Variants in GATB observed in about 807,000 individuals in gnomAD.
GATB encodes glutamyl-tRNA(Gln) amidotransferase subunit B, mitochondrial.
GATB carries 39 observed loss-of-function variants against 62.3 expected under a neutral mutation model. That is an observed-to-expected ratio of 0.63 (90% CI 0.48 to 0.82). The LOEUF (loss-of-function observed/expected upper bound fraction) is 0.82. Ranked by LOEUF, GATB falls within the 40% of genes least tolerant of loss-of-function variation. GATB has a pLI of 0.00. For missense variants in GATB, 670 were observed against 684.0 expected (o/e 0.98, Z 0.23); for synonymous variants, 276 against 258.9 (o/e 1.07, Z -0.63).
At chr4:151,696,701 A>C (rs1738476592) in intron 9 of GATB, among the ~76,000 whole-genome samples, 2 of 152,380 alleles carry the variant, frequency 1.3e-5, no homozygotes, top group South Asian at 4.1e-4. Context: ...GCATGCTAGA[A>C]GCAGGCAGCC....
intron 2 of GATB, among the ~76,000 whole-genome samples, chr4:151,742,323 C>T (rs1000571468): frequency 1.3e-5 from 2 of 151,860 alleles, no homozygotes; most frequent in South Asian, 2.1e-4. Context: ...CTCCTGACCT[C>T]GTGATCCGCC....
At chr4:151,720,334 T>C (rs1203386550) in intron 2 of GATB, 1 of 152,180 alleles carries the variant, frequency 6.6e-6, no homozygotes, top group Non-Finnish European at 1.5e-5. Context: ...CGAGTCAGGT[T>C]CAAATCCCAC....
chr4:151,679,601 G>A (rs1738093933), intron 11 of GATB, among the ~76,000 whole-genome samples: 1 of 152,222 alleles, frequency 6.6e-6, no homozygotes, highest in Non-Finnish European at 1.5e-5. Context: ...CCCCAGGTTA[G>A]CGGTGATGAC....
chr4:151,703,730 C>A, intron 8 of GATB, 121 bp downstream of exon 8: 1 of 765,392 alleles, frequency 1.3e-6, no homozygotes, highest in Non-Finnish European at 2.4e-6. Flanking sequence ...CATCATGTTA[C>A]AACAATGACA....
intron 3 of GATB, among the ~76,000 whole-genome samples, chr4:151,719,221 A>G (rs1738977209): frequency 1.3e-5 from 2 of 152,230 alleles, no homozygotes; most frequent in Admixed American, 1.3e-4. Context: ...GCAAGAAGTC[A>G]GCAATCAGGA....
chr4:151,697,752 T>A (rs1738499015), intron 9 of GATB, among the ~76,000 whole-genome samples: 1 of 148,630 alleles, frequency 6.7e-6, no homozygotes, highest in Non-Finnish European at 1.5e-5. Context: ...TACATACACA[T>A]GCACAAAATC....
intron 7 of GATB, 30 bp downstream of exon 7, chr4:151,705,155 T>C (rs1560850726): frequency 3.3e-6 from 5 of 1,530,830 alleles, no homozygotes; most frequent in Non-Finnish European, 4.5e-6. Context: ...CCCCCGGCTG[T>C]GGTCAGGACG....
intron 1 of GATB, 83 bp downstream of exon 1, chr4:151,760,724 G>A: frequency 7.6e-7 from 1 of 1,317,730 alleles, no homozygotes; most frequent in South Asian, 1.7e-5. Flanking sequence ...ACGTCTAGAA[G>A]CTGGGCCGTA....
At chr4:151,744,584 T>TA (rs1012470493) in intron 2 of GATB, among the ~76,000 whole-genome samples, 1 of 151,712 alleles carries the variant, frequency 6.6e-6, no homozygotes, top group Non-Finnish European at 1.5e-5. Flanking sequence ...GCCCTGTCTC[T>TA]AAAAAAAATA....
In GATB at chr4:151,735,754, A is replaced by ATG. The variant is rs2126989547; in HGVS notation, c.328-16217_328-16216insCA. On this transcript the variant is annotated intron_variant, in intron 2 of 12. Coordinates refer to ENST00000263985, the MANE Select transcript of GATB (RefSeq NM_004564.3). ...CTGTGGTGTATATATATATATATAT[A>ATG]TATGATGGAATACTACTCAGCCATA... Among the ~76,000 whole-genome samples, 2 of 142,150 alleles carry ATG rather than the reference A, an allele frequency of 1.4e-5. 1 individual carries two copies. The highest frequency in any genetic ancestry group is 4.9e-4 in the South Asian group (2 of 4,046). 93.3% of individuals were successfully genotyped at this position (142,150 alleles called of 152,430 possible).
intron 3 of GATB, among the ~76,000 whole-genome samples, chr4:151,718,332 G>GA (rs959064636): frequency 2.6e-5 from 4 of 152,028 alleles, no homozygotes; most frequent in East Asian, 1.9e-4. Context: ...CTGAATTTCA[G>GA]AAAAAACAAC....
intron 9 of GATB, among the ~76,000 whole-genome samples, chr4:151,690,202 TAC>T (rs980198994): frequency 3.9e-5 from 6 of 152,218 alleles, no homozygotes; most frequent in African/African-American, 1.4e-4. Context: ...GCTGCTGGAA[TAC>T]ACACACAGGC....
intron 12 of GATB, 72 bp from the exon 13 acceptor site, chr4:151,671,374 G>T (rs755540759): frequency 2.8e-6 from 4 of 1,450,402 alleles, no homozygotes; most frequent in Non-Finnish European, 3.8e-6. Flanking sequence ...CCAAACTAAG[G>T]CTTAAGTTTA....
rs577611870 is a variant in GATB at position 151,672,696 on chromosome 4, G to A, written c.1545+66C>T. The A allele has an allele frequency of 3.3e-5, 51 of 1,544,084 alleles. No individual in the cohort carries two copies. In the East Asian group the frequency reaches 5.0e-4, roughly 15 times the overall value. ...GAGCCTCTGGGCTGCCACAGGGAGC[G>A]ATGGCGAGGCTCTTGGGCATGTCCT... On this transcript the variant is annotated intron_variant, in intron 12 of 12. Coordinates refer to ENST00000263985, the MANE Select transcript of GATB (RefSeq NM_004564.3).
rs1491213513 is a variant in GATB at position 151,735,734 on chromosome 4, G to GTATA, written c.328-16197_328-16196insTATA. ...TCAACAAGTGGATAAATAAACTGTG[G>GTATA]TGTATATATATATATATATATATGA... On this transcript the variant is annotated intron_variant, in intron 2 of 12. Transcript: ENST00000263985. Among the ~76,000 whole-genome samples, 74 of 93,606 alleles carry GTATA rather than the reference G, an allele frequency of 7.9e-4. 13 individuals are homozygous for GTATA. Among genetic ancestry groups the GTATA allele is most frequent in the Middle Eastern group, 5.3e-3 (1 of 188 alleles). The allele number at this position is 93,606 out of a possible 152,430, so 61.4% of individuals were successfully genotyped here. A position where few individuals can be genotyped will look rare whatever the true frequency, so the allele number is the denominator to read the frequency against.
chr4:151,733,403 TC>T lies in GATB; in HGVS notation c.328-13866del, dbSNP rs1358183676. Among the ~76,000 whole-genome samples the T allele has an allele frequency of 2.0e-5, 3 of 152,136 alleles. No individual in the cohort carries two copies. In the East Asian group the frequency reaches 5.8e-4, roughly 29 times the overall value. Reference sequence around the variant, plus strand: ...ATAGATTCCTGGAAAAATACAACTCTCCTAACTTAAATCAGGAAGAATTAGA... The same window carrying T: ...ATAGATTCCTGGAAAAATACAACTCTCTAACTTAAATCAGGAAGAATTAGA... On this transcript the variant is annotated intron_variant, in intron 2 of 12. Coordinates refer to ENST00000263985, the MANE Select transcript of GATB (RefSeq NM_004564.3).
intron 1 of GATB, 41 bp from the exon 2 acceptor site, chr4:151,758,963 T>C: frequency 7.0e-7 from 1 of 1,432,276 alleles, no homozygotes; most frequent in Non-Finnish European, 9.5e-7. Context: ...ATTATATTTG[T>C]CACCATGAAT....
chr4:151,727,406 G>A (rs968804951), intron 2 of GATB, among the ~76,000 whole-genome samples: 1 of 152,238 alleles, frequency 6.6e-6, no homozygotes, highest in Non-Finnish European at 1.5e-5. Context: ...GGAGGCCAAT[G>A]GCCCAACTGC....
intron 5 of GATB, among the ~76,000 whole-genome samples, chr4:151,710,418 C>T (rs1393949059): frequency 1.3e-5 from 2 of 152,328 alleles, no homozygotes; most frequent in Admixed American, 6.5e-5. Flanking sequence ...TATCGTTTCT[C>T]TGGTTTCCTT....
Sources: gnomAD v4.1 joint callset for allele counts (sites outside exome capture counted in the v4.1 genomes callset) on GRCh38, gnomAD v4.1.1 for gene constraint, MANE v1.5 for transcripts, NCBI Gene and HGNC (gene_info 2026-07-23, HGNC 2026-07-21) for gene names.